The following FGF9 variants were observed in gnomAD, a reference collection of about 807,000 sequenced individuals.
FGF9 encodes the protein fibroblast growth factor 9 (glia-activating factor).
FGF9 carries 3 observed loss-of-function variants against 19.9 expected under a neutral mutation model. That is an observed-to-expected ratio of 0.15 (90% CI 0.07 to 0.39). The LOEUF (loss-of-function observed/expected upper bound fraction) is 0.39. Ranked by LOEUF, FGF9 falls within the 10% of genes least tolerant of loss-of-function variation. The pLI, the probability that FGF9 is intolerant of heterozygous loss-of-function variation, is 1.00. For missense variants in FGF9, 175 were observed against 256.8 expected, an observed-to-expected ratio of 0.68 and a Z score of 2.18; for synonymous variants, 107 against 106.9, an observed-to-expected ratio of 1.00 and a Z score of -0.01.
At chr13:21,675,733 A>G (rs1871900546) in intron 1 of FGF9, among the ~76,000 whole-genome samples, 1 of 152,132 alleles carries the variant, frequency 6.6e-6, no homozygotes, top group Non-Finnish European at 1.5e-5. Context: ...TTCTACCTGA[A>G]ATCAAACAGC....
At chr13:21,695,702 C>T (rs1030680602) in intron 2 of FGF9, among the ~76,000 whole-genome samples, 9 of 152,044 alleles carry the variant, frequency 5.9e-5, no homozygotes, top group Admixed American at 1.3e-4. Context: ...TACATCTGTA[C>T]GAGTAATTGT....
Position 21,701,711 on chromosome 13 carries a change from G to A in FGF9, c.*276G>A. On this transcript the variant is annotated 3_prime_UTR_variant, in exon 3 of 3. Transcript: ENST00000382353. ...GACTGAGCGCTAGGAGTGTGTGTAT[G>A]TGTGTGTGTGTGTGTGTGTGTGTGT... The A allele has an allele frequency of 3.1e-5, 7 of 224,020 alleles. No homozygotes were observed. In the South Asian group the frequency reaches 3.2e-4, roughly 10 times the overall value. 13.9% of individuals were successfully genotyped at this position (224,020 alleles called of 1,614,324 possible). A position where few individuals can be genotyped will look rare whatever the true frequency, so the allele number is the denominator to read the frequency against.
intron 1 of FGF9, among the ~76,000 whole-genome samples, chr13:21,676,439 A>G (rs991507996): frequency 6.6e-6 from 1 of 152,166 alleles, no homozygotes; most frequent in African/African-American, 2.4e-5. Context: ...TCTCAGGAAA[A>G]CACTGGGTGT....
In FGF9 at chr13:21,701,548, T is replaced by G; in HGVS notation, c.*113T>G. On this transcript the variant is annotated 3_prime_UTR_variant, in exon 3 of 3. Transcript: ENST00000382353. ...CACATCAGCTCCACTGTTGCCAAAC[T>G]TTGTCGCATGCATAATGTATGATGG... The G allele has an allele frequency of 7.0e-7, 1 of 1,427,116 alleles. No individual in the cohort carries two copies. Among genetic ancestry groups the G allele is most frequent in the East Asian group, 2.3e-5 (1 of 43,454 alleles). 88.4% of individuals were successfully genotyped at this position (1,427,116 alleles called of 1,614,324 possible).
intron 2 of FGF9, among the ~76,000 whole-genome samples, chr13:21,682,870 AT>A (rs1480771281): frequency 1.3e-5 from 2 of 151,932 alleles, no homozygotes; most frequent in Non-Finnish European, 2.9e-5. Context: ...CACCAAAAAA[AT>A]TTTTTTTGAA....
intron 2 of FGF9, among the ~76,000 whole-genome samples, chr13:21,695,752 G>C (rs922997382): frequency 6.6e-6 from 1 of 152,202 alleles, no homozygotes; most frequent in African/African-American, 2.4e-5. Context: ...GTAATAAACA[G>C]TAGATATGAG....
In FGF9 at chr13:21,691,897, T is replaced by C. The variant is rs73447755; in HGVS notation, c.382-9293T>C. On this transcript the variant is annotated intron_variant, in intron 2 of 2. Transcript: ENST00000382353. This position sits in a 1 kb window ranked among gnomAD's most constrained non-coding sequence, Gnocchi z 4.2. Reference sequence around the variant, plus strand: ...AGGACTAAAAGGTTATGGTGCTAAGTGTGAGAGCCACACTCAGAGCTGTCT... The same window carrying C: ...AGGACTAAAAGGTTATGGTGCTAAGCGTGAGAGCCACACTCAGAGCTGTCT... Among the ~76,000 whole-genome samples, 3,707 of 152,200 alleles carry C rather than the reference T, an allele frequency of 0.024. 139 individuals are homozygous for C. The highest frequency in any genetic ancestry group is 0.083 in the African/African-American group (3,432 of 41,532).
intron 1 of FGF9, among the ~76,000 whole-genome samples, chr13:21,678,288 G>T (rs549821171): frequency 6.6e-6 from 1 of 152,066 alleles, no homozygotes; most frequent in African/African-American, 2.4e-5. Context: ...TATGAAAATG[G>T]TACAGAAATC....
chr13:21,692,547 C>T (rs770255503), intron 2 of FGF9, among the ~76,000 whole-genome samples: 2 of 152,200 alleles, frequency 1.3e-5, no homozygotes, highest in African/African-American at 2.4e-5. Context: ...TCTTCTCACT[C>T]TTTCTGAGCT....
In FGF9 at chr13:21,671,985, T is replaced by G. The variant is rs750656784; in HGVS notation, c.73T>G (p.Leu25Val). 1 of 1,614,212 alleles carries G rather than the reference T, an allele frequency of 6.2e-7. No homozygotes were observed. The highest frequency in any genetic ancestry group is 8.5e-7 in the Non-Finnish European group (1 of 1,180,034). The change falls in exon 1 of 3, where the codon TTG becomes GTG. Residue 25 changes from leucine to valine, a missense_variant. Physicochemically the swap from Leu to Val is conservative, Grantham distance 32. Around this residue, in one of 3 missense-constraint regions of FGF9, gnomAD observed 69 missense variants for 73.6 expected, o/e 0.94. Transcript: ENST00000382353. Reference sequence around the variant, plus strand: ...GGTACCGTTTGGGAATGTGCCCGTGTTGCCGGTGGACAGCCCGGTTTTGTT... The same window carrying G: ...GGTACCGTTTGGGAATGTGCCCGTGGTGCCGGTGGACAGCCCGGTTTTGTT... ...DAVPFGNVPV[L>V]PVDSPVLLSD...
At position 21,677,115 on chromosome 13, in the gene FGF9, G is replaced by C. The variant is rs184202846; in HGVS notation, c.278-3927G>C. ...TTTGGAACTGTTGACTGCTGTGGAA[G>C]AGAACAAAGAAATGACAGCAGTCAT... On this transcript the variant is annotated intron_variant, in intron 1 of 2. Coordinates refer to ENST00000382353, the MANE Select transcript of FGF9 (RefSeq NM_002010.3). 6.3e-4 allele frequency among the ~76,000 whole-genome samples: 96 copies of C among 152,250 alleles called. 2 individuals carry two copies. The East Asian group carries it at 0.01, about 16-fold the overall frequency.
At chr13:21,694,602 C>A (rs1872362949) in intron 2 of FGF9, among the ~76,000 whole-genome samples, 1 of 152,092 alleles carries the variant, frequency 6.6e-6, no homozygotes, top group African/African-American at 2.4e-5. Flanking sequence ...TTTTGCATAT[C>A]TTTGATGTGC....
In FGF9 at chr13:21,703,352, A is replaced by C. The variant is rs1872589336; in HGVS notation, c.*1917A>C. 6.6e-6 allele frequency: 1 copy of C among 152,238 alleles called. No individual in the cohort carries two copies. Among genetic ancestry groups the C allele is most frequent in the Admixed American group, 6.5e-5 (1 of 15,278 alleles). 9.4% of individuals were successfully genotyped at this position (152,238 alleles called of 1,614,324 possible). A position where few individuals can be genotyped will look rare whatever the true frequency, so the allele number is the denominator to read the frequency against. ...ACGATGTCTTGCCTTTCTGTGGTCC[A>C]AGTTGGAGTACATGGCAATGCCCTC... On this transcript the variant is annotated 3_prime_UTR_variant, in exon 3 of 3. Transcript: ENST00000382353.
At chr13:21,684,639 A>G (rs1872117306) in intron 2 of FGF9, among the ~76,000 whole-genome samples, 2 of 152,186 alleles carry the variant, frequency 1.3e-5, no homozygotes. Flanking sequence ...TGTCAAGGGC[A>G]TGGTTAACTC....
At chr13:21,684,039 T>G (rs908482224) in intron 2 of FGF9, among the ~76,000 whole-genome samples, 1 of 152,274 alleles carries the variant, frequency 6.6e-6, no homozygotes, top group African/African-American at 2.4e-5. Flanking sequence ...TCATGCAGTC[T>G]GATTTATACT....
chr13:21,691,189 T>A lies in FGF9; in HGVS notation c.382-10001T>A, dbSNP rs1169815148. On this transcript the variant is annotated intron_variant, in intron 2 of 2. Transcript: ENST00000382353. This position sits in a 1 kb window ranked among gnomAD's most constrained non-coding sequence, Gnocchi z 4.2. The stretch of plus-strand genomic sequence containing the variant: ...CTACAAATGCAAATGTACTTCCTCA[T>A]GTGGGTGATCTTAGAGCTGATTCAG... Among the ~76,000 whole-genome samples, 1 of 152,192 alleles carries A rather than the reference T, an allele frequency of 6.6e-6. No homozygotes were observed. The highest frequency in any genetic ancestry group is 2.4e-5 in the African/African-American group (1 of 41,442).
chr13:21,679,951 C>A, intron 1 of FGF9, among the ~76,000 whole-genome samples: 1 of 124,722 alleles, frequency 8.0e-6, no homozygotes, highest in South Asian at 2.6e-4. Context: ...AGTAAGACTC[C>A]ATCTCAAAAA....
At chr13:21,676,070 A>C (rs1303134380) in intron 1 of FGF9, among the ~76,000 whole-genome samples, 1 of 152,130 alleles carries the variant, frequency 6.6e-6, no homozygotes, top group Non-Finnish European at 1.5e-5. Context: ...CTATATATAG[A>C]GCTCACTTTT....
At position 21,691,107 on chromosome 13, in the gene FGF9, G is replaced by T. The variant is rs1023292657; in HGVS notation, c.381+9962G>T. Among the ~76,000 whole-genome samples, 1 of 152,212 alleles carries T rather than the reference G, an allele frequency of 6.6e-6. No individual in the cohort carries two copies. The highest frequency in any genetic ancestry group is 2.4e-5 in the African/African-American group (1 of 41,458). ...TATTTCCCCCGGGAGCAATGGTTCA[G>T]TATTCTAGGAGACTTTATAGAACTT... On this transcript the variant is annotated intron_variant, in intron 2 of 2. Transcript: ENST00000382353. This position sits in a 1 kb window ranked among gnomAD's most constrained non-coding sequence, Gnocchi z 4.2.
Sources: gnomAD v4.1 joint callset for allele counts (sites outside exome capture counted in the v4.1 genomes callset) on GRCh38, gnomAD v4.1.1 for gene constraint, gnomAD v4.1.1 regional missense constraint, Gnocchi (gnomAD v3.1) non-coding constraint, MANE v1.5 for transcripts, NCBI Gene and HGNC (gene_info 2026-07-23, HGNC 2026-07-21) for gene names.